Variants in FHL5 observed in about 807,000 individuals in gnomAD.
The protein encoded by FHL5 is four and a half LIM domains 5.
A neutral mutation model predicts 32.0 loss-of-function variants in FHL5; 33 were observed. The observed-to-expected ratio is 1.03, with a 90% confidence interval of 0.78 to 1.38. The LOEUF (loss-of-function observed/expected upper bound fraction) is 1.38. FHL5 is among the 40% of genes most tolerant of loss of function. The pLI, the probability that FHL5 is intolerant of heterozygous loss-of-function variation, is 0.00. For synonymous variants in FHL5, 114 were observed against 113.6 expected (o/e 1.00, Z -0.02); for missense variants, 336 against 343.9 (o/e 0.98, Z 0.18).
intron 1 of FHL5, among the ~76,000 whole-genome samples, chr6:96,581,457 A>G (rs1269613457): frequency 6.6e-6 from 1 of 152,196 alleles, no homozygotes; most frequent in Admixed American, 6.6e-5. Context: ...ATGTTATCTT[A>G]TGCCACCTAA....
chr6:96,616,540 T>G lies in FHL5; in HGVS notation c.*768T>G, dbSNP rs1432717864. ...AGTGATTTTTCTAAACGCTTACAGATTCCATGAAATAAAAGTCTATTCTTT... is the reference window on the plus strand; with the variant it reads ...AGTGATTTTTCTAAACGCTTACAGAGTCCATGAAATAAAAGTCTATTCTTT... On this transcript the variant is annotated 3_prime_UTR_variant, in exon 6 of 6. Coordinates refer to ENST00000450218, the MANE Select transcript of FHL5 (RefSeq NM_001322466.2). 1.3e-5 allele frequency: 2 copies of G among 152,204 alleles called. No homozygotes were observed. Among genetic ancestry groups the G allele is most frequent in the African/African-American group, 4.8e-5 (2 of 41,448 alleles). 9.4% of individuals were successfully genotyped at this position (152,204 alleles called of 1,614,324 possible).
rs567638413 is a variant in FHL5, at chr6:96,576,111, G to A, written c.-13+12756G>A. Among the ~76,000 whole-genome samples the A allele has an allele frequency of 9.2e-5, 14 of 152,078 alleles. No homozygotes were observed. In the South Asian group the frequency reaches 2.5e-3, roughly 27 times the overall value. The stretch of plus-strand genomic sequence containing the variant: ...AGGAACCTCCACCTACTTTGTCTTC[G>A]AGACTACCTTTTATTCAACCTTCAA... On this transcript the variant is annotated intron_variant, in intron 1 of 5. Coordinates refer to ENST00000450218, the MANE Select transcript of FHL5 (RefSeq NM_001322466.2).
chr6:96,565,045 C>T (rs906998537), intron 1 of FHL5, among the ~76,000 whole-genome samples: 10 of 151,984 alleles, frequency 6.6e-5, no homozygotes, highest in Non-Finnish European at 1.2e-4. Context: ...CACTTGAGCC[C>T]AGGGTTCAAG....
intron 1 of FHL5, among the ~76,000 whole-genome samples, chr6:96,602,270 G>T (rs543326969): frequency 2.0e-5 from 3 of 151,786 alleles, no homozygotes; most frequent in Non-Finnish European, 4.4e-5. Context: ...TGTGGGGGGA[G>T]AATTAGAAAA....
intron 1 of FHL5, among the ~76,000 whole-genome samples, chr6:96,596,909 T>C (rs1157010670): frequency 1.3e-5 from 2 of 152,090 alleles, no homozygotes; most frequent in Non-Finnish European, 2.9e-5. Flanking sequence ...CCAGGAACCG[T>C]ATATGAAATT....
intron 1 of FHL5, among the ~76,000 whole-genome samples, chr6:96,601,106 T>C (rs211186): frequency 0.5 from 75,338 of 151,952 alleles, 22,576 homozygotes; most frequent in African/African-American, 0.86. Flanking sequence ...GAGGCCGAGG[T>C]GAGCGGATCT....
At chr6:96,614,565 A>G (rs1353641867) in intron 5 of FHL5, among the ~76,000 whole-genome samples, 2 of 152,212 alleles carry the variant, frequency 1.3e-5, no homozygotes, top group East Asian at 1.9e-4. Context: ...CTTTCACTTC[A>G]CCATTCCAAA....
intron 1 of FHL5, among the ~76,000 whole-genome samples, chr6:96,593,469 G>C (rs1770963933): frequency 6.6e-6 from 1 of 152,040 alleles, no homozygotes; most frequent in Admixed American, 6.6e-5. Context: ...AGAATTCCAA[G>C]GTTATCTTAA....
intron 1 of FHL5, among the ~76,000 whole-genome samples, chr6:96,575,910 T>C (rs1293371566): frequency 1.3e-5 from 2 of 152,210 alleles, no homozygotes; most frequent in Admixed American, 6.5e-5. Flanking sequence ...CATAGCAATG[T>C]GTAGTTAAGT....
chr6:96,605,817 G>T, intron 3 of FHL5, 85 bp from the exon 4 acceptor site: 3 of 1,086,806 alleles, frequency 2.8e-6, no homozygotes, highest in Non-Finnish European at 3.9e-6. Context: ...AACTTAAAAC[G>T]TTTTTAAGTA....
Position 96,610,757 on chromosome 6 carries a change from T to C in FHL5, c.690T>C (p.Ser230=), listed in dbSNP as rs1771389648. The change falls in exon 5 of 6, where the codon AGT becomes AGC. Residue 230 remains serine, a splice_region_variant and synonymous_variant. Coordinates refer to ENST00000450218, the MANE Select transcript of FHL5 (RefSeq NM_001322466.2). ...GTGTAGCCTGTTCCAAACCCATTAG[T>C]GGTGAGTTCTTCAGTTCAATATGAT... ...NKCVACSKPI[S]GLTGAKFICF... 11 of 1,607,574 alleles carry C rather than the reference T, an allele frequency of 6.8e-6. No homozygotes were observed. In the East Asian group the frequency reaches 2.5e-4, roughly 36 times the overall value.
intron 1 of FHL5, among the ~76,000 whole-genome samples, chr6:96,587,190 A>G (rs1259314447): frequency 2.0e-5 from 3 of 152,080 alleles, no homozygotes; most frequent in Admixed American, 2.0e-4. Flanking sequence ...AAAACGCACA[A>G]GAAATCTTCA....
At chr6:96,562,927 A>G (rs1381097027), upstream of FHL5, among the ~76,000 whole-genome samples, 1 of 152,208 alleles carries the variant, frequency 6.6e-6, no homozygotes, top group African/African-American at 2.4e-5. Context: ...TTTTATAAAT[A>G]TGCCCTTAAT....
At chr6:96,613,685 A>C (rs1360228001) in intron 5 of FHL5, among the ~76,000 whole-genome samples, 2 of 152,222 alleles carry the variant, frequency 1.3e-5, no homozygotes, top group Admixed American at 6.5e-5. Flanking sequence ...ACTCAAACTT[A>C]GTTTCATGAG....
chr6:96,617,514 T>C lies in FHL5; in HGVS notation c.*1742T>C, dbSNP rs1040140592. ...TATAAATGTATTTTTGGATTAACAA[T>C]GCCAAGGTATTTTTTCATATTCACA... On this transcript the variant is annotated 3_prime_UTR_variant, in exon 6 of 6. Coordinates refer to ENST00000450218, the MANE Select transcript of FHL5 (RefSeq NM_001322466.2). Among the ~76,000 whole-genome samples, 1 of 152,252 alleles carries C rather than the reference T, an allele frequency of 6.6e-6. No individual in the cohort carries two copies. Among genetic ancestry groups the C allele is most frequent in the Non-Finnish European group, 1.5e-5 (1 of 68,044 alleles).
chr6:96,564,349 A>G (rs1770308305), intron 1 of FHL5, among the ~76,000 whole-genome samples: 1 of 152,198 alleles, frequency 6.6e-6, no homozygotes, highest in African/African-American at 2.4e-5. Context: ...GTGTTATGAT[A>G]TATGCTTTAA....
At chr6:96,572,783 C>A (rs1011756792) in intron 1 of FHL5, among the ~76,000 whole-genome samples, 1 of 152,192 alleles carries the variant, frequency 6.6e-6, no homozygotes, top group African/African-American at 2.4e-5. Flanking sequence ...TCCTGCTTAC[C>A]TCCTCACCAT....
At chr6:96,584,983 AC>A (rs1208468264) in intron 1 of FHL5, among the ~76,000 whole-genome samples, 4 of 152,202 alleles carry the variant, frequency 2.6e-5, no homozygotes, top group South Asian at 2.1e-4. Context: ...GTTTTCAGCA[AC>A]CCTTTGTAGA....
chr6:96,602,426 C>CTTTTTTTTTTTTTTTTTTTT lies in FHL5; in HGVS notation c.-12-1157_-12-1138dup, dbSNP rs1168636713. Among the ~76,000 whole-genome samples, 2 of 33,684 alleles carry CTTTTTTTTTTTTTTTTTTTT rather than the reference C, an allele frequency of 5.9e-5. 1 individual carries two copies. The highest frequency in any genetic ancestry group is 1.7e-4 in the African/African-American group (2 of 12,024). The allele number at this position is 33,684 out of a possible 152,430, so 22.1% of individuals were successfully genotyped here. On this transcript the variant is annotated intron_variant, in intron 1 of 5. Coordinates refer to ENST00000450218, the MANE Select transcript of FHL5 (RefSeq NM_001322466.2). ...ACCTGGAAATCTATATGCGTTGTTT[C>CTTTTTTTTTTTTTTTTTTTT]TTTTTTTTTTTTTTTTTTTTTTTTT... is the stretch of plus-strand genomic sequence containing the variant.
Sources: gnomAD v4.1 joint callset for allele counts (sites outside exome capture counted in the v4.1 genomes callset) on GRCh38, gnomAD v4.1.1 for gene constraint, MANE v1.5 for transcripts, NCBI Gene and HGNC (gene_info 2026-07-23, HGNC 2026-07-21) for gene names.